The following CERT1 variants were observed in gnomAD, a reference collection of about 807,000 sequenced individuals.
The protein encoded by CERT1 is ceramide transporter 1.
Under a neutral mutation model 87.9 loss-of-function variants are expected in CERT1, and 31 were observed. That is an observed-to-expected ratio of 0.35 (90% CI 0.27 to 0.48). The LOEUF is 0.48. Among genes scored for constraint, CERT1 ranks in the 20% least tolerant of loss-of-function variants. CERT1 has a pLI of 0.99. For synonymous variants in CERT1, 289 were observed against 250.9 expected (o/e 1.15, Z -1.44); for missense variants, 487 against 758.0 (o/e 0.64, Z 4.20).
intron 3 of CERT1, among the ~76,000 whole-genome samples, chr5:75,431,512 T>G (rs542669716): frequency 5.1e-4 from 78 of 152,334 alleles, no homozygotes; most frequent in African/African-American, 1.8e-3. Context: ...TGGCAGGAAC[T>G]GTTGGCATCA....
At chr5:75,458,934 C>T (rs1765115245) in intron 3 of CERT1, 131 bp downstream of exon 3, 1 of 622,360 alleles carries the variant, frequency 1.6e-6, no homozygotes, top group African/African-American at 1.8e-5. Context: ...ATATGAACTG[C>T]TTTAATCTTT....
intron 2 of CERT1, among the ~76,000 whole-genome samples, chr5:75,498,850 T>G (rs963726408): frequency 6.6e-6 from 1 of 152,142 alleles, no homozygotes; most frequent in African/African-American, 2.4e-5. Flanking sequence ...GATCCCAGAA[T>G]AGTAGATCCA....
At chr5:75,486,814 C>A (rs56859362) in intron 2 of CERT1, among the ~76,000 whole-genome samples, 18,956 of 151,890 alleles carry the variant, frequency 0.12, 1,303 homozygotes, top group East Asian at 0.23. Context: ...TATAAAACAG[C>A]GATTCAAGAA....
chr5:75,501,708 A>G (rs1180558571), intron 2 of CERT1, among the ~76,000 whole-genome samples: 1 of 152,212 alleles, frequency 6.6e-6, no homozygotes, highest in Non-Finnish European at 1.5e-5. Context: ...GGACCGTAAT[A>G]TATGATGAAA....
At chr5:75,374,047 T>C (rs1761185135), downstream of CERT1, 1 of 398,742 alleles carries the variant, frequency 2.5e-6, no homozygotes, top group Admixed American at 4.4e-5. Flanking sequence ...GCTTTGCTAT[T>C]GCAATATTTT....
intron 3 of CERT1, among the ~76,000 whole-genome samples, chr5:75,439,013 G>A (rs1265709682): frequency 6.7e-6 from 1 of 150,086 alleles, no homozygotes; most frequent in Non-Finnish European, 1.5e-5. Context: ...AATATTTTTC[G>A]ATGTGAAAGC....
intron 3 of CERT1, among the ~76,000 whole-genome samples, chr5:75,427,750 T>C (rs1177532629): frequency 1.3e-5 from 2 of 152,222 alleles, no homozygotes; most frequent in Admixed American, 6.5e-5. Flanking sequence ...GTATTTATAT[T>C]GAACAGCTTT....
chr5:75,381,905 G>T, intron 15 of CERT1, 44 bp downstream of exon 15: 1 of 1,553,934 alleles, frequency 6.4e-7, no homozygotes, highest in Non-Finnish European at 8.8e-7. Context: ...TGTGTATTTA[G>T]CTTTATATTG....
At chr5:75,438,339 C>G (rs889319710) in intron 3 of CERT1, among the ~76,000 whole-genome samples, 3 of 152,128 alleles carry the variant, frequency 2.0e-5, no homozygotes, top group African/African-American at 7.2e-5. Flanking sequence ...AAGATATCCA[C>G]TTTGAAAACC....
At position 75,462,357 on chromosome 5, in the gene CERT1, G is replaced by C. The variant is rs185362368; in HGVS notation, c.232-3176C>G. ...GAAACTGTTCCACCTTGATCATCAG[G>C]CATTAGATTCTCATAAGGAGCGTGC... On this transcript the variant is annotated intron_variant, in intron 2 of 16. Transcript: ENST00000643780. Among the ~76,000 whole-genome samples the C allele has an allele frequency of 6.7e-4, 102 of 152,308 alleles. 1 individual carries two copies. The highest frequency in any genetic ancestry group is 2.4e-3 in the African/African-American group (99 of 41,580).
At chr5:75,426,959 C>T (rs2112190043) in intron 3 of CERT1, among the ~76,000 whole-genome samples, 1 of 152,328 alleles carries the variant, frequency 6.6e-6, no homozygotes, top group South Asian at 2.1e-4. Flanking sequence ...CCATTCTTAA[C>T]ACATCACAAT....
At chr5:75,424,570 CA>C (rs201463470) in intron 5 of CERT1, among the ~76,000 whole-genome samples, 365 of 77,278 alleles carry the variant, frequency 4.7e-3, no homozygotes, top group East Asian at 0.045. Flanking sequence ...GACTCTGTCT[CA>C]AAAAAAAAAA....
chr5:75,492,345 A>T (rs1451637113), intron 2 of CERT1, among the ~76,000 whole-genome samples: 8 of 152,206 alleles, frequency 5.3e-5, no homozygotes, highest in Non-Finnish European at 1.2e-4. Flanking sequence ...CCTGGACGGC[A>T]GCATTAGGCC....
At chr5:75,443,796 G>A (rs1764420342) in intron 3 of CERT1, among the ~76,000 whole-genome samples, 1 of 152,056 alleles carries the variant, frequency 6.6e-6, no homozygotes, top group Non-Finnish European at 1.5e-5. Context: ...TTTCAATTCT[G>A]TTTTTGTTTC....
At position 75,400,295 on chromosome 5, in the gene CERT1, T is replaced by C. The variant is rs1762417705; in HGVS notation, c.1020A>G (p.Ser340=). The C allele has an allele frequency of 2.5e-6, 4 of 1,607,806 alleles. No individual in the cohort carries two copies. The highest frequency in any genetic ancestry group is 2.2e-5 in the East Asian group (1 of 44,840). ...AATGTAATCTCACCTTTTCACTCTG[T>C]GACTAAAAAAACATATAATATTAAG... ...LDRQDKIEEQ[S]QSEKVRLHWP... is the part of the protein sequence containing the mutation. Residue 340 remains serine (S), a splice_region_variant and synonymous_variant, in exon 10 of 17, where the codon TCA becomes TCG. Transcript: ENST00000643780.
intron 2 of CERT1, among the ~76,000 whole-genome samples, chr5:75,493,866 T>C (rs1766929236): frequency 6.6e-6 from 1 of 152,200 alleles, no homozygotes; most frequent in African/African-American, 2.4e-5. Flanking sequence ...AAAATCTTTT[T>C]CTTTACTTTC....
intron 2 of CERT1, among the ~76,000 whole-genome samples, chr5:75,503,694 A>C (rs989740007): frequency 1.1e-4 from 17 of 151,822 alleles, no homozygotes; most frequent in Admixed American, 7.9e-4. Flanking sequence ...AAAGAATTCA[A>C]ATTGTTTCTT....
At chr5:75,488,011 T>C (rs190429470) in intron 2 of CERT1, among the ~76,000 whole-genome samples, 121 of 152,080 alleles carry the variant, frequency 8.0e-4, no homozygotes, top group Non-Finnish European at 8.5e-4. Context: ...ATAAAAAGAA[T>C]TGAACTCATG....
intron 1 of CERT1, among the ~76,000 whole-genome samples, chr5:75,510,007 T>C (rs1767848426): frequency 1.3e-5 from 2 of 152,228 alleles, no homozygotes; most frequent in South Asian, 4.1e-4. Context: ...ATGCCTTTCC[T>C]GGCCCCCTTC....
Sources: gnomAD v4.1 joint callset for allele counts (sites outside exome capture counted in the v4.1 genomes callset) on GRCh38, gnomAD v4.1.1 for gene constraint, MANE v1.5 for transcripts, NCBI Gene and HGNC (gene_info 2026-07-23, HGNC 2026-07-21) for gene names.